The following DENND2D variants were observed in gnomAD, a reference collection of about 807,000 sequenced individuals.
DENND2D encodes the protein DENN domain containing 2D.
DENND2D carries 37 observed loss-of-function variants against 59.8 expected under a neutral mutation model. The ratio of observed to expected loss-of-function variants is 0.62; its 90% CI spans 0.48 to 0.81. The LOEUF (loss-of-function observed/expected upper bound fraction) is 0.81, where lower values mean the gene tolerates loss of function less well. Among genes scored for constraint, DENND2D ranks in the 40% least tolerant of loss-of-function variants. The pLI, the probability that DENND2D is intolerant of heterozygous loss-of-function variation, is 0.00. For missense variants in DENND2D, 525 were observed against 579.7 expected, an observed-to-expected ratio of 0.91 and a Z score of 0.97; for synonymous variants, 219 against 211.3, an observed-to-expected ratio of 1.04 and a Z score of -0.31.
Position 111,198,721 on chromosome 1 carries a change from G to A in DENND2D, c.265C>T (p.Gln89Ter). The change falls in exon 3 of 12, where the codon CAG becomes TAG. Residue 89 changes from glutamine to a stop codon, truncating the protein, a stop_gained. Transcript: ENST00000357640. LOFTEE classifies it high-confidence loss of function. Reference protein sequence around the residue: ...FPKRENLLRGQQEEEERLLKA... With the variant: ...FPKRENLLRG ...AGCAGCCGCTCCTCCTCCTCCTGCT[G>A]ACCCCGAAGCAGGTTCTCCCGCTAT... is the stretch of plus-strand genomic sequence containing the variant. The A allele has an allele frequency of 4.3e-6, 7 of 1,614,148 alleles. No homozygotes were observed. The highest frequency in any genetic ancestry group is 5.9e-6 in the Non-Finnish European group (7 of 1,180,026).
In DENND2D at chr1:111,195,952, G is replaced by C. The variant is rs776002368; in HGVS notation, c.609C>G (p.Val203=). The C allele has an allele frequency of 1.9e-6, 3 of 1,613,986 alleles. No individual in the cohort carries two copies. The highest frequency in any genetic ancestry group is 1.7e-6 in the Non-Finnish European group (2 of 1,180,030). ...AGTCGGGGATGAAGCTCTTGAGAGT[G>C]ACAGTCTTCCCAGGAGCAGGGAAGG... ...EAAFPAPGKT[V]TLKSFIPDSG... The change falls in exon 6 of 12, where the codon GTC becomes GTG. Residue 203 remains valine (V), a synonymous_variant. Coordinates refer to ENST00000357640, the MANE Select transcript of DENND2D (RefSeq NM_024901.5).
rs1658615774 is a variant in DENND2D at position 111,199,764 on chromosome 1, C to A, written c.102G>T (p.Lys34Asn). ...AGTGCTCCTGGGCCCTTTCTGGTTC[C>A]TTTAAAGCTTCCCCTGAATTGTCCT... The part of the protein sequence containing the change: ...PPQDNSGEAL[K>N]EPERAQEHSL... The change falls in exon 2 of 12, where the codon AAG becomes AAT. Residue 34 changes from lysine to asparagine, a missense_variant. Physicochemically the swap from Lys to Asn is moderately conservative, Grantham distance 94. Around this residue, in one of 3 missense-constraint regions of DENND2D, gnomAD observed 253 missense variants for 246.4 expected, o/e 1.03. Transcript: ENST00000357640. 6.2e-7 allele frequency: 1 copy of A among 1,613,988 alleles called. No individual in the cohort carries two copies. Among genetic ancestry groups the A allele is most frequent in the Non-Finnish European group, 8.5e-7 (1 of 1,180,008 alleles).
At position 111,197,336 on chromosome 1, in the gene DENND2D, G is replaced by A. The variant is rs989586278; in HGVS notation, c.427-83C>T. On this transcript the variant is annotated intron_variant, in intron 4 of 11. Transcript: ENST00000357640. ...ACTGGGTATGAAGGAGCACAAGGCT[G>A]AGGGCTGGGGAGGGGGATTTATGGG... is the stretch of plus-strand genomic sequence containing the variant. 29 of 1,538,774 alleles carry A rather than the reference G, an allele frequency of 1.9e-5. No individual in the cohort carries two copies. In the African/African-American group the frequency reaches 3.8e-4, roughly 20 times the overall value.
At position 111,200,605 on chromosome 1, in the gene DENND2D, A is replaced by C; in HGVS notation, c.-146T>G. On this transcript the variant is annotated 5_prime_UTR_variant, in exon 1 of 12. Transcript: ENST00000357640. ...CGCTGTCTTCCAGAGAGGGAATAGAAGTTTCCATCCTGTGCACCCAGTGGT... is the reference window on the plus strand; with the variant it reads ...CGCTGTCTTCCAGAGAGGGAATAGACGTTTCCATCCTGTGCACCCAGTGGT... The C allele has an allele frequency of 1.4e-6, 2 of 1,465,716 alleles. No homozygotes were observed. The highest frequency in any genetic ancestry group is 1.8e-6 in the Non-Finnish European group (2 of 1,100,034). The allele number at this position is 1,465,716 out of a possible 1,614,324, so 90.8% of individuals were successfully genotyped here. A position where few individuals can be genotyped will look rare whatever the true frequency, so the allele number is the denominator to read the frequency against.
At chr1:111,192,097 T>C (rs753560422) in intron 8 of DENND2D, 43 bp downstream of exon 8, 12 of 1,498,050 alleles carry the variant, frequency 8.0e-6, no homozygotes, top group Non-Finnish European at 1.1e-5. Context: ...TGAATCCCAC[T>C]CTACCTGGCT....
rs758162235 is a variant in DENND2D, at chr1:111,188,326, A to G, written c.1144T>C (p.Phe382Leu). The change falls in exon 11 of 12, where the codon TTC (phenylalanine) becomes CTC (leucine). Residue 382 changes from phenylalanine to leucine, a missense_variant. Physicochemically the swap from Phe to Leu is conservative, Grantham distance 22 (BLOSUM62 0). This residue lies in a region of DENND2D where 225 missense variants were observed against 252.4 expected (regional missense o/e 0.89). Transcript: ENST00000357640. ...NEHVSGPFVQFFVKIVGHYAS... is the reference protein window; with the variant it reads ...NEHVSGPFVQLFVKIVGHYAS... The stretch of plus-strand genomic sequence containing the variant: ...TAATGGCCCACAATCTTGACAAAGA[A>G]CTGCACAAAGGGGCCTGAAACATGC... 2 of 1,614,128 alleles carry G rather than the reference A, an allele frequency of 1.2e-6. No homozygotes were observed. Among genetic ancestry groups the G allele is most frequent in the Non-Finnish European group, 1.7e-6 (2 of 1,180,034 alleles).
upstream of DENND2D, chr1:111,204,270 C>T (rs902718467): frequency 1.4e-5 from 21 of 1,464,080 alleles, 1 homozygote; most frequent in South Asian, 2.1e-4. Context: ...CGCCGTCCCC[C>T]CGCGCTCTCC....
chr1:111,200,618 T>G lies in DENND2D; in HGVS notation c.-159A>C. 1.4e-6 allele frequency: 2 copies of G among 1,434,944 alleles called. No individual in the cohort carries two copies. Among genetic ancestry groups the G allele is most frequent in the Non-Finnish European group, 1.8e-6 (2 of 1,083,504 alleles). 88.9% of individuals were successfully genotyped at this position (1,434,944 alleles called of 1,614,324 possible). On this transcript the variant is annotated 5_prime_UTR_variant, in exon 1 of 12. Transcript: ENST00000357640. ...AGAGGGAATAGAAGTTTCCATCCTG[T>G]GCACCCAGTGGTTGAGCAAGAAGGA...
At chr1:111,190,110 G>A (rs1657614274) in intron 8 of DENND2D, among the ~76,000 whole-genome samples, 1 of 145,480 alleles carries the variant, frequency 6.9e-6, no homozygotes, top group Non-Finnish European at 1.5e-5. Context: ...CTTGCGGTGA[G>A]CCGAGATCGC....
At chr1:111,202,997 T>C (rs189825219), upstream of DENND2D, among the ~76,000 whole-genome samples, 192 of 152,284 alleles carry the variant, frequency 1.3e-3, 2 homozygotes, top group East Asian at 0.028. Flanking sequence ...CACACAGATG[T>C]CCCAGGGTCT....
At chr1:111,189,386 AT>A in intron 8 of DENND2D, 133 bp from the exon 9 acceptor site, 1 of 835,202 alleles carries the variant, frequency 1.2e-6, no homozygotes, top group Non-Finnish European at 1.9e-6. Context: ...TTCAGTTCTC[AT>A]TTCCTATCTA....
chr1:111,204,504 C>T (rs1659121603), upstream of DENND2D: 1 of 853,086 alleles, frequency 1.2e-6, no homozygotes, highest in Non-Finnish European at 1.6e-6. Flanking sequence ...CGGACTCCGG[C>T]CCAACCCCCG....
At chr1:111,203,982 T>A (rs964332814), upstream of DENND2D, among the ~76,000 whole-genome samples, 1 of 152,104 alleles carries the variant, frequency 6.6e-6, no homozygotes, top group Non-Finnish European at 1.5e-5. Context: ...TCAGGCACAC[T>A]GCGGTTGCAC....
chr1:111,196,998 A>G (rs1325656377), intron 5 of DENND2D, 178 bp downstream of exon 5: 2 of 682,470 alleles, frequency 2.9e-6, no homozygotes, highest in East Asian at 2.8e-5. Context: ...CCTAGATTCA[A>G]TTTCCACTTT....
In DENND2D at chr1:111,194,570, G is replaced by A. The variant is rs1489254439; in HGVS notation, c.794+8C>T. 6 of 1,613,544 alleles carry A rather than the reference G, an allele frequency of 3.7e-6. No homozygotes were observed. Among genetic ancestry groups the A allele is most frequent in the Non-Finnish European group, 2.5e-6 (3 of 1,179,896 alleles). On this transcript the variant is annotated splice_region_variant and intron_variant, in intron 7 of 11. Transcript: ENST00000357640. ...AGTTCAGGTGAGCCGTCCAGGGGCT[G>A]GGCCCACCTGAGACCTTCCGCCAGG...
At chr1:111,199,966 G>GGTGTGGAAACTGCCCA in intron 1 of DENND2D, 168 bp from the exon 2 acceptor site, 2 of 800,428 alleles carry the variant, frequency 2.5e-6, no homozygotes, top group Non-Finnish European at 3.8e-6. Context: ...CAAATGGGCA[G>GGTGTGGAAACTGCCCA]TTTCCACACC....
chr1:111,193,712 TC>T (rs1325125432), intron 7 of DENND2D, among the ~76,000 whole-genome samples: 1 of 152,152 alleles, frequency 6.6e-6, no homozygotes, highest in Non-Finnish European at 1.5e-5. Context: ...ACTGGTTTTC[TC>T]CCTCCCCAGA....
chr1:111,189,453 A>G, intron 8 of DENND2D, 200 bp from the exon 9 acceptor site: 3 of 600,552 alleles, frequency 5.0e-6, no homozygotes, highest in South Asian at 4.1e-5. Flanking sequence ...TCCTGAGGAA[A>G]GGGTGTGGGT....
At chr1:111,189,274 C>G (rs1217877854) in intron 8 of DENND2D, 21 bp from the exon 9 acceptor site, 1 of 1,613,998 alleles carries the variant, frequency 6.2e-7, no homozygotes, top group Admixed American at 1.7e-5. Context: ...CATAGACTGG[C>G]TTTCTCTGGT....
Sources: gnomAD v4.1 joint callset for allele counts (sites outside exome capture counted in the v4.1 genomes callset) on GRCh38, gnomAD v4.1.1 for gene constraint, gnomAD v4.1.1 regional missense constraint, MANE v1.5 for transcripts, NCBI Gene and HGNC (gene_info 2026-07-23, HGNC 2026-07-21) for gene names.